Variants in RAD51B observed in about 807,000 individuals in gnomAD.
The protein encoded by RAD51B is RAD51 paralog B.
In RAD51B, 38 loss-of-function variants were observed where a neutral mutation model predicts 42.2. The ratio of observed to expected loss-of-function variants is 0.90; its 90% CI spans 0.70 to 1.18. RAD51B has a LOEUF of 1.18. RAD51B is among the 50% of genes most tolerant of loss of function. The probability of loss-of-function intolerance (pLI) is 0.00; values close to 1 mark genes in which losing one functional copy is unlikely to be tolerated. For synonymous variants in RAD51B, 154 were observed against 145.2 expected (o/e 1.06, Z -0.43); for missense variants, 373 against 400.7 (o/e 0.93, Z 0.59).
At chr14:67,821,519 ATGACCACAGCTCACTGCAGGCT>A in intron 1 of RAD51B, among the ~76,000 whole-genome samples, 1 of 152,192 alleles carries the variant, frequency 6.6e-6, no homozygotes, top group South Asian at 2.1e-4. Context: ...GTGCAGTGGC[ATGACCACAGCTCACTGCAGGCT>A]CGACCTCCTG....
At chr14:68,551,638 G>T (rs947708759) in intron 10 of RAD51B, among the ~76,000 whole-genome samples, 2 of 152,082 alleles carry the variant, frequency 1.3e-5, no homozygotes, top group Non-Finnish European at 2.9e-5. Context: ...CCAGGTCAAG[G>T]GCTTTCTCTC....
At chr14:68,238,408 C>G (rs1012185367) in intron 7 of RAD51B, among the ~76,000 whole-genome samples, 1 of 152,116 alleles carries the variant, frequency 6.6e-6, no homozygotes, top group Non-Finnish European at 1.5e-5. Flanking sequence ...TCAAGCAGTT[C>G]TCTCACCTCA....
At chr14:68,580,554 G>A (rs1374654724) in intron 10 of RAD51B, among the ~76,000 whole-genome samples, 1 of 152,114 alleles carries the variant, frequency 6.6e-6, no homozygotes, top group African/African-American at 2.4e-5. Flanking sequence ...TTATACACGT[G>A]GGCTTTATTC....
intron 7 of RAD51B, among the ~76,000 whole-genome samples, chr14:67,984,121 T>TAG (rs1474872538): frequency 1.3e-5 from 2 of 152,058 alleles, no homozygotes; most frequent in Non-Finnish European, 2.9e-5. Context: ...GTATTGTTAG[T>TAG]AGAGACAGGG....
At chr14:68,487,450 C>T (rs929093262) in intron 10 of RAD51B, among the ~76,000 whole-genome samples, 1 of 151,534 alleles carries the variant, frequency 6.6e-6, no homozygotes, top group African/African-American at 2.4e-5. Flanking sequence ...CTTGTTTAAC[C>T]TTAATTACAT....
chr14:68,451,971 T>G (rs1271481888), intron 9 of RAD51B, among the ~76,000 whole-genome samples: 4 of 152,230 alleles, frequency 2.6e-5, no homozygotes, highest in Non-Finnish European at 1.5e-5. Context: ...CTGGCATCTT[T>G]TTACTATAGT....
At chr14:67,854,309 G>A (rs1381311544) in intron 4 of RAD51B, among the ~76,000 whole-genome samples, 6 of 152,176 alleles carry the variant, frequency 3.9e-5, no homozygotes, top group African/African-American at 7.2e-5. Flanking sequence ...TAAGATAGAT[G>A]CTATTGTGAA....
chr14:67,868,082 C>G lies in RAD51B; in HGVS notation c.452+2943C>G, dbSNP rs1401077316. 1.3e-5 allele frequency among the ~76,000 whole-genome samples: 2 copies of G among 152,062 alleles called. 1 individual carries two copies. The highest frequency in any genetic ancestry group is 4.1e-4 in the South Asian group (2 of 4,834). ...TTAAAATGTATTAAAGAGGGAGGAG[C>G]CAAGATGGCCGAATAGGAACAGCTC... On this transcript the variant is annotated intron_variant, in intron 5 of 10. Transcript: ENST00000471583.
At chr14:67,986,559 CAT>C (rs1274133343) in intron 7 of RAD51B, among the ~76,000 whole-genome samples, 3 of 152,112 alleles carry the variant, frequency 2.0e-5, no homozygotes, top group African/African-American at 7.2e-5. Context: ...TTTCATCTGA[CAT>C]GTGTATTTTA....
At chr14:68,491,617 G>T (rs750335082) in intron 10 of RAD51B, among the ~76,000 whole-genome samples, 2 of 152,150 alleles carry the variant, frequency 1.3e-5, no homozygotes, top group Non-Finnish European at 2.9e-5. Context: ...AGTCCAAGTG[G>T]GGGGGCACTG....
At chr14:67,990,030 G>A (rs959525200) in intron 7 of RAD51B, among the ~76,000 whole-genome samples, 1 of 125,742 alleles carries the variant, frequency 8.0e-6, no homozygotes, top group African/African-American at 3.2e-5. Context: ...GCAGAGTCTC[G>A]TTCTGTCACC....
chr14:68,440,118 CT>C (rs1174839825), intron 9 of RAD51B, among the ~76,000 whole-genome samples: 2 of 151,580 alleles, frequency 1.3e-5, no homozygotes, highest in Admixed American at 6.6e-5. Flanking sequence ...TTCTTTTGGC[CT>C]TATTTGGCTA....
intron 10 of RAD51B, among the ~76,000 whole-genome samples, chr14:68,610,311 C>T (rs541411505): frequency 1.6e-4 from 25 of 152,310 alleles, no homozygotes; most frequent in African/African-American, 5.5e-4. Context: ...TTTCAGATCC[C>T]TCCCACTCCG....
intron 7 of RAD51B, among the ~76,000 whole-genome samples, chr14:68,269,435 T>C (rs2081059993): frequency 1.3e-5 from 2 of 152,114 alleles, no homozygotes; most frequent in African/African-American, 2.4e-5. Context: ...TAAGCATCTT[T>C]CTCTTTAGGA....
At chr14:68,389,552 A>C (rs1036999720) in intron 8 of RAD51B, among the ~76,000 whole-genome samples, 1 of 152,172 alleles carries the variant, frequency 6.6e-6, no homozygotes, top group Non-Finnish European at 1.5e-5. Context: ...CCACTTTTCT[A>C]TGTATATACT....
chr14:68,633,760 T>C (rs1441037333), intron 10 of RAD51B, among the ~76,000 whole-genome samples: 3 of 152,188 alleles, frequency 2.0e-5, no homozygotes, highest in Non-Finnish European at 4.4e-5. Context: ...CACACACCCA[T>C]TGTTGTTCCT....
intron 7 of RAD51B, among the ~76,000 whole-genome samples, chr14:67,907,993 T>C (rs1437578405): frequency 1.3e-5 from 2 of 152,192 alleles, no homozygotes; most frequent in African/African-American, 4.8e-5. Context: ...TTTGACATCA[T>C]TGGAAGTCAG....
chr14:68,154,616 C>T (rs2078461241), intron 7 of RAD51B, among the ~76,000 whole-genome samples: 1 of 152,260 alleles, frequency 6.6e-6, no homozygotes, highest in East Asian at 1.9e-4. Flanking sequence ...CTGTTGGATT[C>T]CACCTGTGTT....
In RAD51B at chr14:68,608,520, T is replaced by C. The variant is rs571174492; in HGVS notation, c.1037-2486T>C. Among the ~76,000 whole-genome samples the C allele has an allele frequency of 2.6e-4, 40 of 152,302 alleles. 1 individual carries two copies. The South Asian group carries it at 7.9e-3, about 30-fold the overall frequency. ...CCCTGCCTAAGGGCCTGACCTAGAA[T>C]GGGGCTTTAACCTCCCTGGAGGAGG... is the stretch of plus-strand genomic sequence containing the variant. On this transcript the variant is annotated intron_variant, in intron 10 of 10. Transcript: ENST00000487861.
Sources: allele counts gnomAD v4.1 joint callset (sites outside exome capture counted in the v4.1 genomes callset), GRCh38; gene constraint gnomAD v4.1.1; transcripts MANE v1.5; gene names NCBI Gene and HGNC (gene_info 2026-07-23, HGNC 2026-07-21).